STOX2: variants seen among roughly 807,000 people sequenced by gnomAD.
STOX2 encodes storkhead box 2.
STOX2 carries 28 observed loss-of-function variants against 60.9 expected under a neutral mutation model. The ratio of observed to expected loss-of-function variants is 0.46; its 90% CI spans 0.34 to 0.63. The LOEUF is 0.63. Among genes scored for constraint, STOX2 ranks in the 30% least tolerant of loss-of-function variants. The pLI is 0.01. For synonymous variants in STOX2, 472 were observed against 463.9 expected, an observed-to-expected ratio of 1.02 and a Z score of -0.22; for missense variants, 1,024 against 1,187.7, an observed-to-expected ratio of 0.86 and a Z score of 2.03.
intron 1 of STOX2, among the ~76,000 whole-genome samples, chr4:183,942,073 C>T (rs1428651588): frequency 6.6e-6 from 1 of 152,108 alleles, no homozygotes; most frequent in African/African-American, 2.4e-5. Context: ...AGCCTTCATG[C>T]CTGATGTGTA....
intron 1 of STOX2, among the ~76,000 whole-genome samples, chr4:183,997,963 A>G (rs1290797041): frequency 6.6e-6 from 1 of 152,218 alleles, no homozygotes; most frequent in East Asian, 1.9e-4. Context: ...GAAACCAAAC[A>G]AATTGTTTCA....
At chr4:183,901,597 ATT>A (rs35480727), upstream of STOX2, among the ~76,000 whole-genome samples, 3,439 of 140,276 alleles carry the variant, frequency 0.025, 121 homozygotes, top group African/African-American at 0.078. Flanking sequence ...GTTTTTGGGT[ATT>A]TTTTTTTTTT....
intron 1 of STOX2, among the ~76,000 whole-genome samples, chr4:183,798,315 G>A (rs925222544): frequency 1.5e-4 from 23 of 150,952 alleles, no homozygotes; most frequent in Admixed American, 5.9e-4. Context: ...CCCGGTGGCG[G>A]GCGGTGCCTG....
intron 1 of STOX2, among the ~76,000 whole-genome samples, chr4:183,971,730 T>C (rs1164896768): frequency 6.6e-6 from 1 of 152,184 alleles, no homozygotes; most frequent in African/African-American, 2.4e-5. Flanking sequence ...AGTCCTAAAA[T>C]AAAAGTAAGT....
intron 1 of STOX2, among the ~76,000 whole-genome samples, chr4:183,868,205 G>C (rs1434643405): frequency 6.6e-6 from 1 of 151,992 alleles, no homozygotes; most frequent in Non-Finnish European, 1.5e-5. Flanking sequence ...TGCTAATACA[G>C]TTTAGTGACA....
intron 2 of STOX2, among the ~76,000 whole-genome samples, chr4:184,003,233 A>T (rs1465323539): frequency 6.6e-6 from 1 of 152,236 alleles, no homozygotes; most frequent in Non-Finnish European, 1.5e-5. Flanking sequence ...ATATAGCTTC[A>T]TGAGAAATCA....
At chr4:183,996,012 A>G (rs1363995650) in intron 1 of STOX2, among the ~76,000 whole-genome samples, 5 of 152,244 alleles carry the variant, frequency 3.3e-5, no homozygotes, top group Non-Finnish European at 4.4e-5. Context: ...AGCAGTGTCC[A>G]CATTTTCACT....
At chr4:183,986,290 G>A (rs1176012514) in intron 1 of STOX2, among the ~76,000 whole-genome samples, 1 of 152,238 alleles carries the variant, frequency 6.6e-6, no homozygotes, top group Non-Finnish European at 1.5e-5. Flanking sequence ...AATTGATGAG[G>A]CTGTTAAAAA....
At chr4:183,885,132 T>C (rs1220547234) in intron 1 of STOX2, among the ~76,000 whole-genome samples, 1 of 152,182 alleles carries the variant, frequency 6.6e-6, no homozygotes, top group Non-Finnish European at 1.5e-5. Flanking sequence ...TGTGACTTGC[T>C]TAAAATGTTT....
rs1382007922 is a variant in STOX2, at chr4:183,856,684, C to T, written c.364+58629C>T. On this transcript the variant is annotated intron_variant, in intron 1 of 2. Transcript: ENST00000513034. This position sits in a 1 kb window ranked among gnomAD's most constrained non-coding sequence, Gnocchi z 4.0. Reference sequence around the variant, plus strand: ...CTCGGACCCCGGGGGATGATAGCTCCCTTGCCCAAGAATAATGGGGTGTTT... The same window carrying T: ...CTCGGACCCCGGGGGATGATAGCTCTCTTGCCCAAGAATAATGGGGTGTTT... 6.6e-6 allele frequency among the ~76,000 whole-genome samples: 1 copy of T among 152,154 alleles called. No individual in the cohort carries two copies. The highest frequency in any genetic ancestry group is 6.5e-5 in the Admixed American group (1 of 15,288).
chr4:183,978,225 G>C lies in STOX2; in HGVS notation c.167-23100G>C, dbSNP rs183225596. Among the ~76,000 whole-genome samples, 6 of 152,250 alleles carry C rather than the reference G, an allele frequency of 3.9e-5. No individual in the cohort carries two copies. The East Asian group carries it at 1.2e-3, about 29-fold the overall frequency. On this transcript the variant is annotated intron_variant, in intron 1 of 3. Coordinates refer to ENST00000308497, the MANE Select transcript of STOX2 (RefSeq NM_020225.3). ...TAGATTTTCTTCTAGGATTTTAATA[G>C]TTTCAGGTCTTACATTTAAATCTTT...
At chr4:183,874,987 ATAT>A (rs1560857921) in intron 1 of STOX2, among the ~76,000 whole-genome samples, 136 of 99,790 alleles carry the variant, frequency 1.4e-3, no homozygotes, top group African/African-American at 4.1e-3. Flanking sequence ...ATATATATAT[ATAT>A]ATAAAACTTA....
At chr4:183,899,199 G>C (rs1194815308) in intron 1 of STOX2, among the ~76,000 whole-genome samples, 1 of 152,110 alleles carries the variant, frequency 6.6e-6, no homozygotes, top group Non-Finnish European at 1.5e-5. Flanking sequence ...TCCAATGACT[G>C]GCCATTCCCC....
intron 1 of STOX2, among the ~76,000 whole-genome samples, chr4:183,861,185 C>G (rs144464803): frequency 1.3e-5 from 2 of 152,272 alleles, no homozygotes; most frequent in East Asian, 3.9e-4. Flanking sequence ...GGGAGAAAAA[C>G]ACAGAACCTG....
Position 184,011,209 on chromosome 4 carries a change from G to C in STOX2, c.2371G>C (p.Glu791Gln). Residue 791 changes from glutamate (E) to glutamine (Q), a missense_variant, in exon 3 of 4, where the codon GAG (glutamate) becomes CAG (glutamine). By Grantham distance (29) the Glu-to-Gln change is conservative. Coordinates refer to ENST00000308497, the MANE Select transcript of STOX2 (RefSeq NM_020225.3). The surrounding 1 kb of genome is among the most constrained non-coding windows in gnomAD (Gnocchi z 4.4). ...DSEEGANKNT[E>Q]EEKNREDVGT... ...TGAGGAAGGGGCAAACAAGAACACA[G>C]AGGAGGAGAAAAATAGAGAGGACGT... 1 of 1,606,990 alleles carries C rather than the reference G, an allele frequency of 6.2e-7. No individual in the cohort carries two copies. Among genetic ancestry groups the C allele is most frequent in the East Asian group, 2.2e-5 (1 of 44,760 alleles).
intron 1 of STOX2, among the ~76,000 whole-genome samples, chr4:183,989,243 C>T (rs549323312): frequency 1.3e-4 from 19 of 143,262 alleles, no homozygotes; most frequent in African/African-American, 4.9e-4. Context: ...GCTCTTGTTG[C>T]CCAGGCTGGA....
chr4:183,990,615 T>TTTTTTTTTTTG (rs1733069086), intron 1 of STOX2, among the ~76,000 whole-genome samples: 1 of 102,288 alleles, frequency 9.8e-6, no homozygotes, highest in African/African-American at 4.3e-5. Flanking sequence ...TTTTTTTTTT[T>TTTTTTTTTTTG]GGTCATAGAG....
chr4:183,868,973 T>C (rs1474246377), intron 1 of STOX2, among the ~76,000 whole-genome samples: 1 of 152,208 alleles, frequency 6.6e-6, no homozygotes, highest in Non-Finnish European at 1.5e-5. Context: ...GTTTTGAGGA[T>C]TTCCCCAGAT....
At chr4:183,954,265 C>G (rs747299679) in intron 1 of STOX2, among the ~76,000 whole-genome samples, 1 of 138,868 alleles carries the variant, frequency 7.2e-6, no homozygotes, top group Non-Finnish European at 1.6e-5. Context: ...CTGTGCTATT[C>G]ATTAGGGTTT....
Sources: allele counts gnomAD v4.1 joint callset (sites outside exome capture counted in the v4.1 genomes callset), GRCh38; gene constraint gnomAD v4.1.1; non-coding constraint Gnocchi (gnomAD v3.1); transcripts MANE v1.5; gene names NCBI Gene and HGNC (gene_info 2026-07-23, HGNC 2026-07-21).